Variants in KLF5 observed in about 807,000 individuals in gnomAD.
KLF5 encodes Krueppel-like factor 5.
A neutral mutation model predicts 36.9 loss-of-function variants in KLF5; 9 were observed. The observed-to-expected ratio is 0.24, with a 90% CI of 0.15 to 0.43. KLF5 has a LOEUF of 0.43. Among genes scored for constraint, KLF5 ranks in the 20% least tolerant of loss-of-function variants. The pLI, the probability that KLF5 is intolerant of heterozygous loss-of-function variation, is 1.00. For missense variants in KLF5, 524 were observed against 599.5 expected, an observed-to-expected ratio of 0.87 and a Z score of 1.31; for synonymous variants, 246 against 241.7, an observed-to-expected ratio of 1.02 and a Z score of -0.17.
intron 3 of KLF5, among the ~76,000 whole-genome samples, chr13:73,065,335 C>A (rs1310177516): frequency 1.3e-5 from 2 of 152,220 alleles, no homozygotes; most frequent in Non-Finnish European, 2.9e-5. Flanking sequence ...ATTTTGTATG[C>A]ATGTTAGGAA....
In KLF5 at chr13:73,075,786, G is replaced by A; in HGVS notation, c.1274G>A (p.Arg425Gln). Reference sequence around the variant, plus strand: ...TCGGATGAGCTGACCCGCCACTACCGGAAGCACACAGGCGCCAAGCCCTTC... The same window carrying A: ...TCGGATGAGCTGACCCGCCACTACCAGAAGCACACAGGCGCCAAGCCCTTC... ...ARSDELTRHY[R>Q]KHTGAKPFQC... Residue 425 changes from arginine (R) to glutamine (Q), a missense_variant, in exon 4 of 4, where the codon CGG (arginine) becomes CAG (glutamine). Physicochemically the swap from Arg to Gln is conservative, Grantham distance 43. Coordinates refer to ENST00000377687, the MANE Select transcript of KLF5 (RefSeq NM_001730.5). The A allele has an allele frequency of 6.2e-7, 1 of 1,613,584 alleles. No individual in the cohort carries two copies. Among genetic ancestry groups the A allele is most frequent in the Non-Finnish European group, 8.5e-7 (1 of 1,179,628 alleles).
At chr13:73,072,440 T>TG (rs2044728988) in intron 3 of KLF5, among the ~76,000 whole-genome samples, 1 of 152,204 alleles carries the variant, frequency 6.6e-6, no homozygotes, top group South Asian at 2.1e-4. Context: ...TCAGATCGTC[T>TG]GGGGTTCAAG....
intron 3 of KLF5, among the ~76,000 whole-genome samples, chr13:73,066,992 A>G (rs1407848033): frequency 6.6e-6 from 1 of 152,210 alleles, no homozygotes; most frequent in African/African-American, 2.4e-5. Flanking sequence ...ATAGATGTGG[A>G]TGTTCGCATG....
chr13:73,063,973 C>A (rs2044659783), intron 3 of KLF5, 90 bp downstream of exon 3: 15 of 581,360 alleles, frequency 2.6e-5, no homozygotes, highest in South Asian at 5.2e-5. Flanking sequence ...TTGATCTCTT[C>A]TCCTGTCAAC....
In KLF5 at chr13:73,059,248, T is replaced by A. The variant is rs1451347499; in HGVS notation, c.-80T>A. On this transcript the variant is annotated 5_prime_UTR_variant, in exon 1 of 4. Coordinates refer to ENST00000377687, the MANE Select transcript of KLF5 (RefSeq NM_001730.5). ...CCCTCCTCCGCCGGCAGCCCCGCGC[T>A]GAGCTCGCCGACCCAAGCCAGCGTG... is the stretch of plus-strand genomic sequence containing the variant. 3.2e-6 allele frequency: 4 copies of A among 1,240,640 alleles called. No homozygotes were observed. In the South Asian group the frequency reaches 8.3e-5, roughly 26 times the overall value. The allele number at this position is 1,240,640 out of a possible 1,614,324, so 76.9% of individuals were successfully genotyped here.
chr13:73,076,148 C>A lies in KLF5; in HGVS notation c.*262C>A. The A allele has an allele frequency of 3.4e-6, 1 of 294,532 alleles. No homozygotes were observed. The allele number at this position is 294,532 out of a possible 1,614,324, so 18.2% of individuals were successfully genotyped here. A position where few individuals can be genotyped will look rare whatever the true frequency, so the allele number is the denominator to read the frequency against. ...CTCATCTCATGACAGGCAGCCACGTCTCAACATGGGTAAGGGGTGGGGGTG... is the reference window on the plus strand; with the variant it reads ...CTCATCTCATGACAGGCAGCCACGTATCAACATGGGTAAGGGGTGGGGGTG... On this transcript the variant is annotated 3_prime_UTR_variant, in exon 4 of 4. Coordinates refer to ENST00000377687, the MANE Select transcript of KLF5 (RefSeq NM_001730.5).
At chr13:73,065,226 A>T (rs975328477) in intron 3 of KLF5, among the ~76,000 whole-genome samples, 4 of 152,250 alleles carry the variant, frequency 2.6e-5, no homozygotes, top group Non-Finnish European at 5.9e-5. Context: ...GAGTTTTGAT[A>T]AATGAAGTAG....
At chr13:73,070,919 C>G (rs191177063) in intron 3 of KLF5, among the ~76,000 whole-genome samples, 1 of 152,214 alleles carries the variant, frequency 6.6e-6, no homozygotes, top group Non-Finnish European at 1.5e-5. Context: ...AGCCCTGCTG[C>G]AGGAGGGTCC....
chr13:73,064,486 T>A (rs1218906118), intron 3 of KLF5, among the ~76,000 whole-genome samples: 1 of 152,204 alleles, frequency 6.6e-6, no homozygotes, highest in Non-Finnish European at 1.5e-5. Flanking sequence ...ACATTCATTC[T>A]TGTTTACATA....
upstream of KLF5, among the ~76,000 whole-genome samples, chr13:73,057,743 A>G (rs561033943): frequency 1.2e-4 from 18 of 152,304 alleles, no homozygotes; most frequent in East Asian, 3.5e-3. Flanking sequence ...AAAACTGTCT[A>G]ATGGTATATT....
rs953237800 is a variant in KLF5 at position 73,060,415 on chromosome 13, G to C, written c.261+827G>C. On this transcript the variant is annotated intron_variant, in intron 1 of 3. Transcript: ENST00000377687. ...CAAACAGCTGGAAGAGCTAAAATCA[G>C]AAACCACTAACCGCCGCGGGAGCGC... Among the ~76,000 whole-genome samples the C allele has an allele frequency of 3.9e-5, 6 of 152,152 alleles. 1 individual carries two copies. The highest frequency in any genetic ancestry group is 3.9e-4 in the Admixed American group (6 of 15,276).
chr13:73,070,610 T>C (rs1288642080), intron 3 of KLF5, among the ~76,000 whole-genome samples: 1 of 152,160 alleles, frequency 6.6e-6, no homozygotes. Flanking sequence ...ACCCCTGACA[T>C]CGTGATCCCA....
intron 1 of KLF5, among the ~76,000 whole-genome samples, chr13:73,060,818 A>G (rs1256613777): frequency 6.6e-6 from 1 of 152,196 alleles, no homozygotes; most frequent in Non-Finnish European, 1.5e-5. Flanking sequence ...TGTAGGCTTA[A>G]GTTATACTAG....
upstream of KLF5, chr13:73,055,239 G>A (rs1301729866): frequency 6.6e-6 from 1 of 152,100 alleles, no homozygotes; most frequent in African/African-American, 2.4e-5. Context: ...AGGAATAAGT[G>A]CATAAAGGGA....
chr13:73,063,938 C>A, intron 3 of KLF5, 55 bp downstream of exon 3: 63 of 976,472 alleles, frequency 6.5e-5, no homozygotes, highest in Non-Finnish European at 9.9e-5. Context: ...AAGTGGTATT[C>A]ATCCTTTTAA....
At chr13:73,074,155 C>A (rs1359154200) in intron 3 of KLF5, among the ~76,000 whole-genome samples, 1 of 152,184 alleles carries the variant, frequency 6.6e-6, no homozygotes, top group African/African-American at 2.4e-5. Flanking sequence ...TTGGCACTTT[C>A]TTCTTTGTCT....
At chr13:73,067,468 A>G (rs1298789166) in intron 3 of KLF5, among the ~76,000 whole-genome samples, 1 of 152,236 alleles carries the variant, frequency 6.6e-6, no homozygotes, top group Non-Finnish European at 1.5e-5. Context: ...CCATGAACTC[A>G]ACACAGATGT....
rs1028864299 is a variant in KLF5, at chr13:73,059,012, G to C, written c.-316G>C. On this transcript the variant is annotated 5_prime_UTR_variant, in exon 1 of 4. Coordinates refer to ENST00000377687, the MANE Select transcript of KLF5 (RefSeq NM_001730.5). ...CGGGCGTCAAGTGTCAGTAGTCGCG[G>C]GGCAGGTACGTGCGCTCGCGGTTCT... The C allele has an allele frequency of 3.3e-5, 8 of 244,526 alleles. No individual in the cohort carries two copies. Among genetic ancestry groups the C allele is most frequent in the Non-Finnish European group, 1.6e-5 (2 of 126,978 alleles). 15.1% of individuals were successfully genotyped at this position (244,526 alleles called of 1,614,324 possible).
chr13:73,075,593 T>G, intron 3 of KLF5, 115 bp from the exon 4 acceptor site: 1 of 847,212 alleles, frequency 1.2e-6, no homozygotes, highest in East Asian at 2.5e-5. Flanking sequence ...ATTCATGAGC[T>G]TTCCTTCTTT....
Sources: allele counts gnomAD v4.1 joint callset (sites outside exome capture counted in the v4.1 genomes callset), GRCh38; gene constraint gnomAD v4.1.1; transcripts MANE v1.5; gene names NCBI Gene and HGNC (gene_info 2026-07-23, HGNC 2026-07-21).